Variants in SH3RF1 observed in about 807,000 individuals in gnomAD.
The protein encoded by SH3RF1 is SH3 domain containing ring finger 1.
SH3RF1 carries 32 observed loss-of-function variants against 74.0 expected under a neutral mutation model. The observed-to-expected ratio is 0.43, with a 90% CI of 0.33 to 0.58. SH3RF1 has a LOEUF of 0.58. Ranked by LOEUF, SH3RF1 falls within the 20% of genes least tolerant of loss-of-function variation. The probability of loss-of-function intolerance (pLI) is 0.05; values close to 1 mark genes in which losing one functional copy is unlikely to be tolerated. For synonymous variants in SH3RF1, 396 were observed against 439.6 expected (o/e 0.90, Z 1.24); for missense variants, 954 against 1,130.9 (o/e 0.84, Z 2.24).
chr4:169,235,908 T>C (rs1215373880), intron 2 of SH3RF1, among the ~76,000 whole-genome samples: 2 of 152,218 alleles, frequency 1.3e-5, no homozygotes, highest in African/African-American at 4.8e-5. Context: ...GTCAAACTCC[T>C]GACCTCAGGT....
chr4:169,164,573 C>T (rs1172369140), intron 2 of SH3RF1, among the ~76,000 whole-genome samples: 1 of 152,136 alleles, frequency 6.6e-6, no homozygotes, highest in African/African-American at 2.4e-5. Context: ...ATTTTTATTA[C>T]CATTTCCTAG....
intron 2 of SH3RF1, among the ~76,000 whole-genome samples, chr4:169,239,962 T>C (rs1352174587): frequency 6.6e-6 from 1 of 152,066 alleles, no homozygotes; most frequent in East Asian, 1.9e-4. Context: ...AGTCAGAGGC[T>C]GCAGTGAGCC....
intron 2 of SH3RF1, among the ~76,000 whole-genome samples, chr4:169,194,385 A>G (rs1734776568): frequency 6.6e-6 from 1 of 152,100 alleles, no homozygotes; most frequent in South Asian, 2.1e-4. Context: ...AAATGCAACC[A>G]CAATCATGGC....
At chr4:169,108,638 A>C (rs1012975087) in intron 10 of SH3RF1, among the ~76,000 whole-genome samples, 11 of 152,196 alleles carry the variant, frequency 7.2e-5, no homozygotes, top group African/African-American at 2.7e-4. Flanking sequence ...TCCCGGGTAG[A>C]GGAAGATCCT....
chr4:169,212,075 T>TG (rs1458362665), intron 2 of SH3RF1, among the ~76,000 whole-genome samples: 24 of 136,756 alleles, frequency 1.8e-4, no homozygotes, highest in Admixed American at 2.2e-4. Flanking sequence ...TTTTTTTTTT[T>TG]TTTTTTGAGA....
Position 169,116,482 on chromosome 4 carries a change from C to G in SH3RF1, c.1926G>C (p.Thr642=), listed in dbSNP as rs369248651. The G allele has an allele frequency of 6.2e-7, 1 of 1,613,624 alleles. No homozygotes were observed. The highest frequency in any genetic ancestry group is 1.3e-5 in the African/African-American group (1 of 75,036). ...QPAPLMPGSA[T]HTAAISISRA... ...GACTGATACTGATGGCAGCAGTGTG[C>G]GTGGCTGAGCCTGGCATCAGAGGCG... Residue 642 remains threonine (T), a synonymous_variant, in exon 10 of 12, where the codon ACG becomes ACC. Transcript: ENST00000284637.
At chr4:169,174,561 C>G (rs1417347171) in intron 2 of SH3RF1, among the ~76,000 whole-genome samples, 1 of 152,120 alleles carries the variant, frequency 6.6e-6, no homozygotes, top group Non-Finnish European at 1.5e-5. Flanking sequence ...TCCCAATCTC[C>G]TTTGGGTGTT....
At chr4:169,146,690 C>G (rs966877281) in intron 4 of SH3RF1, among the ~76,000 whole-genome samples, 2 of 151,968 alleles carry the variant, frequency 1.3e-5, no homozygotes, top group African/African-American at 4.8e-5. Flanking sequence ...AAAGCAGAGG[C>G]AGAGAGCAGG....
chr4:169,242,817 G>A (rs941237075), intron 2 of SH3RF1, among the ~76,000 whole-genome samples: 3 of 152,186 alleles, frequency 2.0e-5, no homozygotes, highest in African/African-American at 7.2e-5. Context: ...ATGCAGCAAG[G>A]AAGCCCTTGC....
intron 2 of SH3RF1, among the ~76,000 whole-genome samples, chr4:169,211,422 T>C (rs2706752): frequency 0.48 from 70,647 of 148,678 alleles, 17,860 homozygotes; most frequent in East Asian, 0.78. Context: ...GCGGAGCTTG[T>C]AGTGAGCTGA....
chr4:169,145,283 C>T (rs1733856269), intron 4 of SH3RF1, among the ~76,000 whole-genome samples: 1 of 152,020 alleles, frequency 6.6e-6, no homozygotes, highest in African/African-American at 2.4e-5. Flanking sequence ...TCTTTTGCAG[C>T]AACATGGATG....
At chr4:169,216,922 A>C (rs1478964311) in intron 2 of SH3RF1, among the ~76,000 whole-genome samples, 1 of 150,796 alleles carries the variant, frequency 6.6e-6, no homozygotes, top group Non-Finnish European at 1.5e-5. Flanking sequence ...AGGCCGAGGC[A>C]GGCGGATCAC....
At chr4:169,135,715 C>T (rs1733688828) in intron 5 of SH3RF1, among the ~76,000 whole-genome samples, 1 of 152,146 alleles carries the variant, frequency 6.6e-6, no homozygotes, top group Admixed American at 6.5e-5. Flanking sequence ...ATGAATGCCC[C>T]AGTCATCCCA....
intron 4 of SH3RF1, among the ~76,000 whole-genome samples, chr4:169,154,159 G>A (rs1734015936): frequency 2.0e-5 from 3 of 152,114 alleles, no homozygotes. Flanking sequence ...ATAATGTACA[G>A]GAAGGACTGC....
intron 2 of SH3RF1, among the ~76,000 whole-genome samples, chr4:169,157,829 C>T (rs1481454180): frequency 6.6e-6 from 1 of 151,980 alleles, no homozygotes; most frequent in Non-Finnish European, 1.5e-5. Flanking sequence ...GCAACCTCTG[C>T]CTCCTGGGTT....
rs920334141 is a variant in SH3RF1 at position 169,095,246 on chromosome 4, C to T, written c.*1273G>A. On this transcript the variant is annotated 3_prime_UTR_variant, in exon 12 of 12. Transcript: ENST00000284637. Reference sequence around the variant, plus strand: ...CTGGGAGGACATAAAAGACCACTTTCACTAATGACTTGTGTAGTGGCTAAT... The same window carrying T: ...CTGGGAGGACATAAAAGACCACTTTTACTAATGACTTGTGTAGTGGCTAAT... 6.6e-6 allele frequency: 1 copy of T among 152,620 alleles called. No individual in the cohort carries two copies. Among genetic ancestry groups the T allele is most frequent in the East Asian group, 1.9e-4 (1 of 5,182 alleles). 9.5% of individuals were successfully genotyped at this position (152,620 alleles called of 1,614,324 possible).
intron 2 of SH3RF1, among the ~76,000 whole-genome samples, chr4:169,198,192 C>T (rs1475349621): frequency 6.6e-6 from 1 of 152,164 alleles, no homozygotes; most frequent in East Asian, 1.9e-4. Flanking sequence ...TCTTCATTTG[C>T]TTTCCATAAT....
chr4:169,204,806 C>T (rs1025284158), intron 2 of SH3RF1, among the ~76,000 whole-genome samples: 3 of 152,184 alleles, frequency 2.0e-5, no homozygotes, highest in Non-Finnish European at 4.4e-5. Flanking sequence ...GCCTCGGCCT[C>T]CCAAAGCATT....
intron 2 of SH3RF1, among the ~76,000 whole-genome samples, chr4:169,190,741 A>G (rs1256055028): frequency 6.6e-6 from 1 of 152,170 alleles, no homozygotes; most frequent in Non-Finnish European, 1.5e-5. Flanking sequence ...CATCACCCTA[A>G]TACCAAAACC....
Sources: gnomAD v4.1 joint callset for allele counts (sites outside exome capture counted in the v4.1 genomes callset) on GRCh38, gnomAD v4.1.1 for gene constraint, MANE v1.5 for transcripts, NCBI Gene and HGNC (gene_info 2026-07-23, HGNC 2026-07-21) for gene names.